Variants in CS observed in about 807,000 individuals in gnomAD.
The protein encoded by CS is citrate synthase, mitochondrial.
A neutral mutation model predicts 61.4 loss-of-function variants in CS; 13 were observed. The ratio of observed to expected loss-of-function variants is 0.21; its 90% CI spans 0.14 to 0.34. The LOEUF (loss-of-function observed/expected upper bound fraction) is 0.34. Among genes scored for constraint, CS ranks in the 10% least tolerant of loss-of-function variants. The pLI is 1.00. For synonymous variants in CS, 159 were observed against 215.2 expected, an observed-to-expected ratio of 0.74 and a Z score of 2.29; for missense variants, 278 against 573.4, an observed-to-expected ratio of 0.48 and a Z score of 5.26.
rs533180844 is a variant in CS at position 56,278,391 on chromosome 12, G to C, written c.589-2196C>G. ...TATCCACCTTCCTCGGCCTCCCAAAGTGCTGAGATTACAGGCGTGAGCCAC... is the reference window on the plus strand; with the variant it reads ...TATCCACCTTCCTCGGCCTCCCAAACTGCTGAGATTACAGGCGTGAGCCAC... On this transcript the variant is annotated intron_variant, in intron 6 of 10. Transcript: ENST00000351328. Among the ~76,000 whole-genome samples the C allele has an allele frequency of 5.9e-5, 9 of 152,198 alleles. No individual in the cohort carries two copies. In the South Asian group the frequency reaches 1.9e-3, roughly 32 times the overall value.
chr12:56,281,663 CCTTTT>C (rs1442136814), intron 6 of CS, among the ~76,000 whole-genome samples: 1 of 152,172 alleles, frequency 6.6e-6, no homozygotes, highest in Non-Finnish European at 1.5e-5. Flanking sequence ...TAAGTCACAT[CCTTTT>C]CTTTTCTTGT....
At chr12:56,296,696 T>C (rs1873317405) in intron 1 of CS, among the ~76,000 whole-genome samples, 1 of 152,160 alleles carries the variant, frequency 6.6e-6, no homozygotes, top group African/African-American at 2.4e-5. Flanking sequence ...GCCAACTCTA[T>C]CGCTGCTACC....
At position 56,282,627 on chromosome 12, in the gene CS, T is replaced by C. The variant is rs779271380; in HGVS notation, c.400-19A>G. 6.3e-7 allele frequency: 1 copy of C among 1,589,214 alleles called. No homozygotes were observed. Among genetic ancestry groups the C allele is most frequent in the South Asian group, 1.1e-5 (1 of 87,616 alleles). ...AAGATACCTGTGGAAAAAGAGACAG[T>C]GCTCAGAACACCAGCAAGGACAAGG... On this transcript the variant is annotated intron_variant, in intron 5 of 10. Transcript: ENST00000351328.
intron 6 of CS, among the ~76,000 whole-genome samples, chr12:56,276,905 C>T (rs929959815): frequency 6.6e-6 from 1 of 152,194 alleles, no homozygotes; most frequent in African/African-American, 2.4e-5. Context: ...TGTGTTAAGA[C>T]AGCAGGTTTT....
chr12:56,292,961 G>A (rs1873178494), intron 1 of CS, among the ~76,000 whole-genome samples: 1 of 151,792 alleles, frequency 6.6e-6, no homozygotes, highest in African/African-American at 2.4e-5. Flanking sequence ...ATGTTCAAGT[G>A]CTATTTCTTT....
chr12:56,283,956 G>T, intron 3 of CS, 99 bp from the exon 4 acceptor site: 1 of 841,590 alleles, frequency 1.2e-6, no homozygotes. Flanking sequence ...GGATCTGGGA[G>T]AGAAAATTTA....
At chr12:56,299,316 G>C (rs887641167) in intron 1 of CS, among the ~76,000 whole-genome samples, 1 of 152,076 alleles carries the variant, frequency 6.6e-6, no homozygotes, top group African/African-American at 2.4e-5. Context: ...TGTCCCAAAA[G>C]GCAATCAATA....
At chr12:56,284,343 A>G (rs1232902931) in intron 3 of CS, among the ~76,000 whole-genome samples, 2 of 150,688 alleles carry the variant, frequency 1.3e-5, no homozygotes, top group African/African-American at 2.4e-5. Flanking sequence ...AAAAAGAAAA[A>G]AAAAAACAAA....
Position 56,276,179 on chromosome 12 carries a change from G to C in CS, c.605C>G (p.Ser202Cys), listed in dbSNP as rs746198483. Residue 202 changes from serine to cysteine, a missense_variant, in exon 7 of 11, where the codon TCT becomes TGT. Coordinates refer to ENST00000351328, the MANE Select transcript of CS (RefSeq NM_004077.3). ...AGGTAGCTTTGCGATTAGATCCATA[G>C]AGTCTTCATAAATCAACTGACAGAA... ...TKYWELIYED[S>C]MDLIAKLPCV... is the part of the protein sequence containing the mutation. 3 of 1,614,024 alleles carry C rather than the reference G, an allele frequency of 1.9e-6. No individual in the cohort carries two copies. The highest frequency in any genetic ancestry group is 2.5e-6 in the Non-Finnish European group (3 of 1,180,012).
In CS at chr12:56,273,195, C is replaced by G. The variant is rs1355393827; in HGVS notation, c.1290G>C (p.Leu430Phe). ...TCCAGATGAGCTGTGCCAGTACACC[C>G]AATGCTCGTGACACCCCAAACAGGA... ...YTVLFGVSRALGVLAQLIWSR... is the reference protein window; with the variant it reads ...YTVLFGVSRAFGVLAQLIWSR... The change falls in exon 11 of 11, where the codon TTG becomes TTC. Residue 430 changes from leucine (L) to phenylalanine (F), a missense_variant. Around this residue, in one of 2 missense-constraint regions of CS, gnomAD observed 223 missense variants for 503.5 expected, o/e 0.44. Coordinates refer to ENST00000351328, the MANE Select transcript of CS (RefSeq NM_004077.3). The G allele has an allele frequency of 1.9e-6, 3 of 1,614,012 alleles. No individual in the cohort carries two copies. The African/African-American group carries it at 4.0e-5, about 22-fold the overall frequency.
chr12:56,291,216 C>T, intron 1 of CS: 1 of 1,182,130 alleles, frequency 8.5e-7, no homozygotes, highest in Non-Finnish European at 1.1e-6. Context: ...GGCCTATCAC[C>T]TACCATCAAG....
At chr12:56,295,094 CT>C (rs113506359) in intron 1 of CS, among the ~76,000 whole-genome samples, 549 of 141,236 alleles carry the variant, frequency 3.9e-3, no homozygotes, top group Middle Eastern at 3.6e-3. Flanking sequence ...ATTTAATGAA[CT>C]TTTTTTTTTT....
At chr12:56,297,996 C>G (rs1403523250) in intron 1 of CS, among the ~76,000 whole-genome samples, 1 of 152,044 alleles carries the variant, frequency 6.6e-6, no homozygotes, top group African/African-American at 2.4e-5. Flanking sequence ...GCTACCCCCC[C>G]CGCCCTTTTT....
chr12:56,294,002 A>G (rs1248964369), intron 1 of CS, among the ~76,000 whole-genome samples: 2 of 152,230 alleles, frequency 1.3e-5, no homozygotes, highest in Non-Finnish European at 1.5e-5. Context: ...AACTAAAGCC[A>G]TTTAATGTGT....
intron 6 of CS, 92 bp downstream of exon 6, chr12:56,282,328 T>C: frequency 9.1e-7 from 1 of 1,097,124 alleles, no homozygotes. Context: ...TCAGAGGTAA[T>C]TTTTCTAAAG....
chr12:56,276,643 G>C (rs1205309356), intron 6 of CS, among the ~76,000 whole-genome samples: 5 of 152,180 alleles, frequency 3.3e-5, no homozygotes, highest in Admixed American at 2.0e-4. Flanking sequence ...CCAAGTTCAA[G>C]TGATTCTCCT....
chr12:56,284,319 C>CAAAAAAAAAAAAAAAA (rs57352870), intron 3 of CS, among the ~76,000 whole-genome samples: 2 of 73,362 alleles, frequency 2.7e-5, no homozygotes, highest in African/African-American at 5.0e-5. Context: ...AACTCCATCT[C>CAAAAAAAAAAAAAAAA]AAAAAAAAAA....
intron 1 of CS, chr12:56,299,959 T>C (rs1873431058): frequency 7.7e-6 from 4 of 519,276 alleles, no homozygotes; most frequent in African/African-American, 2.1e-5. Context: ...GCGGGCGGCG[T>C]GCACTTCACC....
intron 1 of CS, among the ~76,000 whole-genome samples, chr12:56,289,677 C>T (rs979822262): frequency 7.2e-5 from 11 of 151,952 alleles, no homozygotes; most frequent in African/African-American, 2.7e-4. Flanking sequence ...CTCCTGACCT[C>T]GTGATCTGCC....
Sources: gnomAD v4.1 joint callset for allele counts (sites outside exome capture counted in the v4.1 genomes callset) on GRCh38, gnomAD v4.1.1 for gene constraint, gnomAD v4.1.1 regional missense constraint, MANE v1.5 for transcripts, NCBI Gene and HGNC (gene_info 2026-07-23, HGNC 2026-07-21) for gene names.